EDIL3: variants seen among roughly 807,000 people sequenced by gnomAD.
The protein encoded by EDIL3 is EGF-like repeat and discoidin I-like domain-containing protein 3.
In EDIL3, 37 loss-of-function variants were observed where a neutral mutation model predicts 67.4. That is an observed-to-expected ratio of 0.55 (90% CI 0.42 to 0.72). The LOEUF is 0.72. Ranked by LOEUF, EDIL3 falls within the 30% of genes least tolerant of loss-of-function variation. EDIL3 has a pLI of 0.00. For synonymous variants in EDIL3, 195 were observed against 196.3 expected, an observed-to-expected ratio of 0.99 and a Z score of 0.05; for missense variants, 527 against 586.3, an observed-to-expected ratio of 0.90 and a Z score of 1.04.
At chr5:84,274,539 A>G (rs1039617290) in intron 1 of EDIL3, among the ~76,000 whole-genome samples, 2 of 152,214 alleles carry the variant, frequency 1.3e-5, no homozygotes, top group African/African-American at 2.4e-5. Flanking sequence ...TATTTCTTTC[A>G]CTATTCATCA....
chr5:84,312,785 A>G (rs887689949), intron 1 of EDIL3, among the ~76,000 whole-genome samples: 3 of 152,208 alleles, frequency 2.0e-5, no homozygotes, highest in African/African-American at 7.2e-5. Context: ...AATTTTTGTC[A>G]GCTGTACATA....
intron 1 of EDIL3, among the ~76,000 whole-genome samples, chr5:84,344,012 T>TGTTCCC (rs1481625656): frequency 6.6e-6 from 1 of 152,096 alleles, no homozygotes. Context: ...TTCTGAGAAA[T>TGTTCCC]GTTCCCTCAA....
chr5:84,326,815 A>T (rs901597523), intron 1 of EDIL3, among the ~76,000 whole-genome samples: 2 of 151,598 alleles, frequency 1.3e-5, no homozygotes, highest in Admixed American at 6.6e-5. Context: ...CACCTTCTAC[A>T]TTCTCTCTTT....
At chr5:83,978,650 G>C (rs998042646) in intron 9 of EDIL3, among the ~76,000 whole-genome samples, 1 of 151,966 alleles carries the variant, frequency 6.6e-6, no homozygotes, top group African/African-American at 2.4e-5. Context: ...TATAAGGATA[G>C]ACAAGCAGAA....
chr5:84,325,747 A>G (rs1279878114), intron 1 of EDIL3, among the ~76,000 whole-genome samples: 1 of 152,098 alleles, frequency 6.6e-6, no homozygotes, highest in African/African-American at 2.4e-5. Context: ...ACAGTCCCTT[A>G]CTGGATGAAT....
Position 84,252,493 on chromosome 5 carries a change from C to CAAAAAAAAAAAAAAAAAAAAAAAAAAAA in EDIL3, c.196+1590_196+1591insTTTTTTTTTTTTTTTTTTTTTTTTTTTT, listed in dbSNP as rs70975548. 2.1e-3 allele frequency among the ~76,000 whole-genome samples: 61 copies of CAAAAAAAAAAAAAAAAAAAAAAAAAAAA among 28,944 alleles called. 13 individuals carry two copies. The highest frequency in any genetic ancestry group is 2.7e-3 in the Admixed American group (4 of 1,462). 19.0% of individuals were successfully genotyped at this position (28,944 alleles called of 152,430 possible). A position where few individuals can be genotyped will look rare whatever the true frequency, so the allele number is the denominator to read the frequency against. ...TGTGCGACAAAGTGAGACTCCGTCTCAAAAAAAAAAAAAAAAAAAAAAAAA... is the reference window on the plus strand; with the variant it reads ...TGTGCGACAAAGTGAGACTCCGTCTCAAAAAAAAAAAAAAAAAAAAAAAAAAAAAAAAAAAAAAAAAAAAAAAAAAAAA... On this transcript the variant is annotated intron_variant, in intron 2 of 10. Coordinates refer to ENST00000296591, the MANE Select transcript of EDIL3 (RefSeq NM_005711.5).
chr5:84,286,450 G>A (rs1317433091), intron 1 of EDIL3, among the ~76,000 whole-genome samples: 1 of 152,178 alleles, frequency 6.6e-6, no homozygotes. Context: ...AGTACAGGCT[G>A]ATATGCAGTG....
At chr5:84,267,997 C>T (rs1367300090) in intron 1 of EDIL3, among the ~76,000 whole-genome samples, 2 of 152,074 alleles carry the variant, frequency 1.3e-5, no homozygotes, top group Admixed American at 6.6e-5. Context: ...GTTAGCTGGG[C>T]ATGGCTGCGT....
At chr5:83,946,442 G>C (rs1250665407) in intron 10 of EDIL3, among the ~76,000 whole-genome samples, 1 of 151,776 alleles carries the variant, frequency 6.6e-6, no homozygotes, top group Non-Finnish European at 1.5e-5. Context: ...CCTAAGAGAA[G>C]ATAAGAGAAA....
chr5:84,197,297 T>C (rs1561217315), intron 3 of EDIL3, among the ~76,000 whole-genome samples: 2 of 151,918 alleles, frequency 1.3e-5, no homozygotes, highest in Admixed American at 6.6e-5. Context: ...TAATCCAATA[T>C]TGGAAACTTG....
intron 2 of EDIL3, among the ~76,000 whole-genome samples, chr5:84,251,505 A>G (rs1162734189): frequency 6.6e-6 from 1 of 152,136 alleles, no homozygotes; most frequent in East Asian, 1.9e-4. Context: ...TAAAAATATG[A>G]AAAGACCCAA....
chr5:84,326,825 T>A, intron 1 of EDIL3, among the ~76,000 whole-genome samples: 1 of 151,978 alleles, frequency 6.6e-6, no homozygotes, highest in East Asian at 1.9e-4. Context: ...ATTCTCTCTT[T>A]GAGAAAATAC....
chr5:83,998,222 A>T (rs1032352236), intron 9 of EDIL3, among the ~76,000 whole-genome samples: 5 of 152,176 alleles, frequency 3.3e-5, no homozygotes, highest in Non-Finnish European at 1.5e-5. Context: ...GCTCCAGGAA[A>T]GTAAAGAGGA....
chr5:84,306,893 C>G (rs1199334770), intron 1 of EDIL3, among the ~76,000 whole-genome samples: 2 of 152,168 alleles, frequency 1.3e-5, no homozygotes, highest in Non-Finnish European at 2.9e-5. Flanking sequence ...TTTTGCCTCA[C>G]TGGGCCTTAT....
At chr5:83,963,027 G>A (rs1744630442) in intron 10 of EDIL3, among the ~76,000 whole-genome samples, 178 bp downstream of exon 10, 1 of 151,524 alleles carries the variant, frequency 6.6e-6, no homozygotes, top group Non-Finnish European at 1.5e-5. Context: ...TTGCACCATT[G>A]CATACCAGAC....
intron 9 of EDIL3, among the ~76,000 whole-genome samples, chr5:84,023,174 T>TG (rs1378786975): frequency 1.2e-4 from 18 of 152,134 alleles, no homozygotes; most frequent in South Asian, 2.1e-4. Context: ...ATTATCATAA[T>TG]GATTACAAAA....
chr5:84,060,888 T>C (rs532444670), intron 8 of EDIL3, among the ~76,000 whole-genome samples: 1 of 152,334 alleles, frequency 6.6e-6, no homozygotes, highest in South Asian at 2.1e-4. Context: ...AGTATTGTTT[T>C]TCTTTTATTT....
At chr5:84,210,805 T>C (rs1477548393) in intron 3 of EDIL3, among the ~76,000 whole-genome samples, 2 of 152,244 alleles carry the variant, frequency 1.3e-5, no homozygotes, top group African/African-American at 4.8e-5. Flanking sequence ...TTATATTTTA[T>C]AACCACTTTT....
intron 4 of EDIL3, among the ~76,000 whole-genome samples, chr5:84,154,378 T>C (rs1261801083): frequency 1.3e-5 from 2 of 152,020 alleles, no homozygotes; most frequent in African/African-American, 4.8e-5. Flanking sequence ...TGAGAATACT[T>C]ACCATACAAT....
Sources: allele counts gnomAD v4.1 joint callset (sites outside exome capture counted in the v4.1 genomes callset), GRCh38; gene constraint gnomAD v4.1.1; transcripts MANE v1.5; gene names NCBI Gene and HGNC (gene_info 2026-07-23, HGNC 2026-07-21).